Variants in IL1RAPL1 observed in about 807,000 individuals in gnomAD.
The protein encoded by IL1RAPL1 is interleukin-1 receptor accessory protein-like 1.
In IL1RAPL1, 3 loss-of-function variants were observed where a neutral mutation model predicts 48.4. The observed-to-expected ratio is 0.06, with a 90% CI of 0.03 to 0.16. The LOEUF (loss-of-function observed/expected upper bound fraction) is 0.16. Ranked by LOEUF, IL1RAPL1 falls within the 10% of genes least tolerant of loss-of-function variation. The probability of loss-of-function intolerance (pLI) is 1.00; values close to 1 mark genes in which losing one functional copy is unlikely to be tolerated. For missense variants in IL1RAPL1, 349 were observed against 530.6 expected (o/e 0.66, Z 3.36); for synonymous variants, 185 against 187.7 (o/e 0.99, Z 0.12).
intron 6 of IL1RAPL1, among the ~76,000 whole-genome samples, chrX:29,823,520 G>A (rs1385670954): frequency 8.0e-5 from 9 of 111,959 alleles, no homozygotes; most frequent in Admixed American, 5.7e-4. Context: ...TTCACTTTGC[G>A]GAAACTGAAA....
chrX:28,733,360 A>G lies in IL1RAPL1; in HGVS notation c.-24-55960A>G, dbSNP rs751493077. Among the ~76,000 whole-genome samples the G allele has an allele frequency of 9.0e-5, 10 of 110,540 alleles. No homozygotes were observed. In the South Asian group the frequency reaches 3.5e-3, roughly 39 times the overall value. ...CTGCCATTTCTTTTCTCCCCTTTAT[A>G]GTAAAACTCAGAAGAGTTGCCTGTG... On this transcript the variant is annotated intron_variant, in intron 1 of 10. Coordinates refer to ENST00000378993, the MANE Select transcript of IL1RAPL1 (RefSeq NM_014271.4).
chrX:28,799,380 T>A, intron 2 of IL1RAPL1, among the ~76,000 whole-genome samples: 1 of 112,528 alleles, frequency 8.9e-6, no homozygotes, highest in South Asian at 3.7e-4. Context: ...CTGAGATATT[T>A]AATAACTTTG....
chrX:29,543,239 C>G (rs994226709), intron 5 of IL1RAPL1, among the ~76,000 whole-genome samples: 4 of 109,812 alleles, frequency 3.6e-5, no homozygotes, highest in African/African-American at 6.6e-5. Context: ...TAACTGTGCT[C>G]TCTTCTCCAT....
At chrX:29,698,210 G>A (rs773278056) in intron 6 of IL1RAPL1, among the ~76,000 whole-genome samples, 1 of 96,753 alleles carries the variant, frequency 1.0e-5, no homozygotes, top group South Asian at 5.0e-4. Flanking sequence ...TTGCTCTGTT[G>A]CCCAGGCTGG....
intron 2 of IL1RAPL1, among the ~76,000 whole-genome samples, chrX:29,191,579 A>G (rs772931270): frequency 3.6e-5 from 4 of 111,848 alleles, no homozygotes; most frequent in Non-Finnish European, 5.6e-5. Flanking sequence ...CCTGCCATGT[A>G]CTTTGACACC....
intron 2 of IL1RAPL1, among the ~76,000 whole-genome samples, chrX:28,912,038 G>A (rs1923374363): frequency 9.6e-6 from 1 of 104,457 alleles, no homozygotes; most frequent in Non-Finnish European, 2.0e-5. Context: ...TGGTAGCATT[G>A]GGAAAATATT....
chrX:29,622,643 G>A (rs1420892908), intron 5 of IL1RAPL1, among the ~76,000 whole-genome samples: 1 of 111,265 alleles, frequency 9.0e-6, no homozygotes, highest in Non-Finnish European at 1.9e-5. Flanking sequence ...CTTCACCTAT[G>A]GCCTCTTAAC....
At position 29,932,056 on chromosome X, in the gene IL1RAPL1, T is replaced by TTTTG. The variant is rs748259644; in HGVS notation, c.1058-9588_1058-9585dup. On this transcript the variant is annotated intron_variant, in intron 8 of 10. Transcript: ENST00000378993. Reference sequence around the variant, plus strand: ...TTCTAAGCTGGTCACCTGAGGCCCTTTTTGTTTGTTATTATAACAGTATCT... The same window carrying TTTTG: ...TTCTAAGCTGGTCACCTGAGGCCCTTTTTGTTTGTTTGTTATTATAACAGTATCT... 4.5e-5 allele frequency among the ~76,000 whole-genome samples: 5 copies of TTTTG among 112,223 alleles called. No individual in the cohort carries two copies. In the South Asian group the frequency reaches 1.5e-3, roughly 33 times the overall value.
intron 6 of IL1RAPL1, among the ~76,000 whole-genome samples, chrX:29,809,104 T>TGG (rs1230180299): frequency 1.0e-5 from 1 of 100,196 alleles, no homozygotes. Flanking sequence ...TCTTTTTTTT[T>TGG]GGGGGGTGGG....
chrX:29,232,920 T>G (rs1346790599), intron 2 of IL1RAPL1, among the ~76,000 whole-genome samples: 1 of 110,149 alleles, frequency 9.1e-6, no homozygotes, highest in Non-Finnish European at 1.9e-5. Flanking sequence ...TGTCTCGGCC[T>G]CCCTTGGAGC....
chrX:29,794,562 G>A (rs996191780), intron 6 of IL1RAPL1, among the ~76,000 whole-genome samples: 1 of 109,415 alleles, frequency 9.1e-6, no homozygotes, highest in East Asian at 2.8e-4. Context: ...ACATTTAGTC[G>A]CAAATAGGGC....
At chrX:28,607,494 T>G (rs1416868209) in intron 1 of IL1RAPL1, among the ~76,000 whole-genome samples, 1 of 110,849 alleles carries the variant, frequency 9.0e-6, no homozygotes, top group Non-Finnish European at 1.9e-5. Flanking sequence ...AGTCACCACT[T>G]CCCACTAAAG....
intron 2 of IL1RAPL1, among the ~76,000 whole-genome samples, chrX:29,159,530 G>A (rs773503242): frequency 5.9e-4 from 66 of 111,531 alleles, no homozygotes; most frequent in African/African-American, 2.0e-3. Flanking sequence ...TTAATATGCC[G>A]AGGGTCATAC....
intron 1 of IL1RAPL1, among the ~76,000 whole-genome samples, chrX:28,646,440 A>G (rs1934611434): frequency 8.9e-6 from 1 of 112,337 alleles, no homozygotes; most frequent in Non-Finnish European, 1.9e-5. Context: ...TTTTACTGCT[A>G]ATATATTACT....
intron 1 of IL1RAPL1, among the ~76,000 whole-genome samples, chrX:28,694,046 T>C (rs1935205370): frequency 9.0e-6 from 1 of 111,689 alleles, no homozygotes; most frequent in South Asian, 3.8e-4. Context: ...ACACGTGCTT[T>C]ACCTTCCTGC....
intron 1 of IL1RAPL1, among the ~76,000 whole-genome samples, chrX:28,599,749 T>C (rs1333228028): frequency 2.7e-5 from 3 of 111,782 alleles, no homozygotes; most frequent in Non-Finnish European, 5.6e-5. Flanking sequence ...GGGAAAGGCA[T>C]ATGTGTTCAA....
At chrX:29,871,245 A>G (rs1009511450) in intron 6 of IL1RAPL1, among the ~76,000 whole-genome samples, 1 of 112,092 alleles carries the variant, frequency 8.9e-6, no homozygotes, top group Admixed American at 9.5e-5. Context: ...AAAGTCTCCC[A>G]TCTCAAAGTC....
intron 5 of IL1RAPL1, among the ~76,000 whole-genome samples, chrX:29,503,126 G>A (rs1291629370): frequency 9.0e-6 from 1 of 111,453 alleles, no homozygotes; most frequent in African/African-American, 3.3e-5. Flanking sequence ...TATTTTTGTG[G>A]TCTCAATTGT....
At chrX:29,642,343 T>G (rs1190185338) in intron 5 of IL1RAPL1, among the ~76,000 whole-genome samples, 2 of 112,342 alleles carry the variant, frequency 1.8e-5, no homozygotes, top group East Asian at 5.6e-4. Flanking sequence ...TTGTTCTGTT[T>G]TCCATGAGTT....
Sources: allele counts gnomAD v4.1 joint callset (sites outside exome capture counted in the v4.1 genomes callset), GRCh38; gene constraint gnomAD v4.1.1; transcripts MANE v1.5; gene names NCBI Gene and HGNC (gene_info 2026-07-23, HGNC 2026-07-21).